The following DENND5A variants were observed in gnomAD, a reference collection of about 807,000 sequenced individuals.
DENND5A encodes DENN domain containing 5A.
Under a neutral mutation model 140.3 loss-of-function variants are expected in DENND5A, and 64 were observed. The ratio of observed to expected loss-of-function variants is 0.46; its 90% CI spans 0.37 to 0.56. The LOEUF is 0.56. Ranked by LOEUF, DENND5A falls within the 20% of genes least tolerant of loss-of-function variation. DENND5A has a pLI of 0.00. For missense variants in DENND5A, 1,292 were observed against 1,593.8 expected (o/e 0.81, Z 3.22); for synonymous variants, 605 against 607.7 (o/e 1.00, Z 0.07).
At chr11:9,254,897 C>T (rs1851879158) in intron 1 of DENND5A, among the ~76,000 whole-genome samples, 1 of 151,686 alleles carries the variant, frequency 6.6e-6, no homozygotes, top group African/African-American at 2.4e-5. Flanking sequence ...ATGGTGAAAC[C>T]CCATCTCTAC....
rs143923037 is a variant in DENND5A, at chr11:9,224,467, G to C, written c.110-16835C>G. On this transcript the variant is annotated intron_variant, in intron 1 of 22. Transcript: ENST00000328194. ...TTCCCCAAACAGGGCATGCTTTTTC[G>C]TGCTTTCATTCTTTGTTAGATGTTA... Among the ~76,000 whole-genome samples, 274 of 152,122 alleles carry C rather than the reference G, an allele frequency of 1.8e-3. 1 individual carries two copies. Among genetic ancestry groups the C allele is most frequent in the African/African-American group, 5.6e-3 (234 of 41,494 alleles).
chr11:9,170,639 G>C lies in DENND5A; in HGVS notation c.2045C>G (p.Pro682Arg), dbSNP rs1317603665. ...KLQSDVLSTGPASNKWTKRNA... is the reference protein window; with the variant it reads ...KLQSDVLSTGRASNKWTKRNA... ...GGGGTTGACTCACTTGTTGCTGGCT[G>C]GCCCAGTGGAAAGTACATCAGACTG... is the stretch of plus-strand genomic sequence containing the variant. The change falls in exon 9 of 23, where the codon CCA becomes CGA. Residue 682 changes from proline to arginine, a missense_variant. This residue lies in a region of DENND5A where 199 missense variants were observed against 189.1 expected (regional missense o/e 1.05). Coordinates refer to ENST00000328194, the MANE Select transcript of DENND5A (RefSeq NM_015213.4). 6.2e-7 allele frequency: 1 copy of C among 1,613,886 alleles called. No homozygotes were observed. The highest frequency in any genetic ancestry group is 8.5e-7 in the Non-Finnish European group (1 of 1,179,982).
intron 15 of DENND5A, among the ~76,000 whole-genome samples, chr11:9,148,428 T>C (rs1847503001): frequency 6.6e-6 from 1 of 152,156 alleles, no homozygotes; most frequent in Non-Finnish European, 1.5e-5. Context: ...GTAAGGGGTT[T>C]CTGCAATTTG....
intron 1 of DENND5A, among the ~76,000 whole-genome samples, chr11:9,210,286 A>G (rs977353390): frequency 1.3e-5 from 2 of 152,204 alleles, no homozygotes; most frequent in Admixed American, 6.5e-5. Flanking sequence ...TCCTAGAAAC[A>G]ACGACTAATT....
chr11:9,187,714 T>C (rs1217039911), intron 5 of DENND5A, among the ~76,000 whole-genome samples: 1 of 152,194 alleles, frequency 6.6e-6, no homozygotes, highest in Non-Finnish European at 1.5e-5. Context: ...GTAATATAGC[T>C]GTGGATGAAA....
intron 5 of DENND5A, among the ~76,000 whole-genome samples, chr11:9,192,201 T>C (rs1041566582): frequency 6.6e-6 from 1 of 152,196 alleles, no homozygotes; most frequent in African/African-American, 2.4e-5. Flanking sequence ...ATCACAGACA[T>C]GGTCTAATTA....
At chr11:9,140,002 A>G (rs1167699888) in intron 22 of DENND5A, 148 bp from the exon 23 acceptor site, 1 of 984,794 alleles carries the variant, frequency 1.0e-6, no homozygotes, top group Non-Finnish European at 1.5e-6. Context: ...CCAAACAGGG[A>G]CTGGCAAAGA....
At chr11:9,220,636 T>C (rs1850273190) in intron 1 of DENND5A, among the ~76,000 whole-genome samples, 1 of 151,994 alleles carries the variant, frequency 6.6e-6, no homozygotes, top group East Asian at 1.9e-4. Context: ...CTCACACCTA[T>C]AATCCCAGCA....
intron 9 of DENND5A, 75 bp from the exon 10 acceptor site, chr11:9,170,024 C>T (rs1358843870): frequency 8.3e-6 from 9 of 1,090,222 alleles, no homozygotes; most frequent in Middle Eastern, 2.0e-4. Context: ...CAGGAGAAAA[C>T]ATGAATGACT....
chr11:9,242,355 A>G (rs1026831558), intron 1 of DENND5A: 1 of 152,250 alleles, frequency 6.6e-6, no homozygotes, highest in Non-Finnish European at 1.5e-5. Flanking sequence ...ACTCTCAATT[A>G]TAAACATACC....
At chr11:9,248,090 C>T (rs1851556245) in intron 1 of DENND5A, among the ~76,000 whole-genome samples, 1 of 152,136 alleles carries the variant, frequency 6.6e-6, no homozygotes, top group Non-Finnish European at 1.5e-5. Flanking sequence ...TCAAGCAATC[C>T]TCCACATCAG....
intron 1 of DENND5A, among the ~76,000 whole-genome samples, chr11:9,221,971 A>C (rs974317116): frequency 6.6e-6 from 1 of 150,632 alleles, no homozygotes. Flanking sequence ...GTTGGCCAGG[A>C]TGGTCTTGAT....
chr11:9,179,197 G>A, intron 6 of DENND5A, 124 bp from the exon 7 acceptor site: 1 of 759,056 alleles, frequency 1.3e-6, no homozygotes, highest in Non-Finnish European at 2.1e-6. Flanking sequence ...AGGAAATGAT[G>A]AGAACAAAAG....
intron 1 of DENND5A, among the ~76,000 whole-genome samples, chr11:9,241,871 G>A (rs892891365): frequency 7.2e-5 from 11 of 151,960 alleles, no homozygotes; most frequent in Admixed American, 1.3e-4. Flanking sequence ...AAAATTAGCC[G>A]GGCATGGTGG....
chr11:9,151,957 T>G (rs1847629752), intron 13 of DENND5A, among the ~76,000 whole-genome samples: 1 of 151,824 alleles, frequency 6.6e-6, no homozygotes, highest in Non-Finnish European at 1.5e-5. Flanking sequence ...TTTGAGGAGG[T>G]CCAAGGAAGG....
intron 1 of DENND5A, among the ~76,000 whole-genome samples, chr11:9,255,364 G>C (rs577929676): frequency 6.6e-5 from 10 of 152,236 alleles, no homozygotes; most frequent in Non-Finnish European, 8.8e-5. Context: ...GCCAAGTCGG[G>C]AGTATCATTT....
intron 1 of DENND5A, among the ~76,000 whole-genome samples, chr11:9,210,964 A>T (rs1008098114): frequency 2.0e-5 from 3 of 152,216 alleles, no homozygotes; most frequent in Non-Finnish European, 2.9e-5. Flanking sequence ...GTCATGGCAG[A>T]GTAGCTCCCT....
At chr11:9,183,691 G>A (rs1848809238) in intron 5 of DENND5A, among the ~76,000 whole-genome samples, 1 of 152,050 alleles carries the variant, frequency 6.6e-6, no homozygotes. Context: ...GATCAGGTGT[G>A]AGCCACCACA....
intron 4 of DENND5A, 80 bp downstream of exon 4, chr11:9,203,580 A>G (rs1590270810): frequency 2.0e-6 from 3 of 1,485,518 alleles, no homozygotes; most frequent in Non-Finnish European, 2.7e-6. Flanking sequence ...CTTAACCTTT[A>G]CAGTCAGCCT....
Sources: gnomAD v4.1 joint callset for allele counts (sites outside exome capture counted in the v4.1 genomes callset) on GRCh38, gnomAD v4.1.1 for gene constraint, gnomAD v4.1.1 regional missense constraint, MANE v1.5 for transcripts, NCBI Gene and HGNC (gene_info 2026-07-23, HGNC 2026-07-21) for gene names.